The following FUT8 variants were observed in gnomAD, a reference collection of about 807,000 sequenced individuals.
The protein encoded by FUT8 is fucosyltransferase 8, also known as alpha-(1,6)-fucosyltransferase.
In FUT8, 29 loss-of-function variants were observed where a neutral mutation model predicts 71.3. The observed-to-expected ratio is 0.41, with a 90% CI of 0.30 to 0.55. The LOEUF (loss-of-function observed/expected upper bound fraction) is 0.55, where lower values mean the gene tolerates loss of function less well. Among genes scored for constraint, FUT8 ranks in the 20% least tolerant of loss-of-function variants. FUT8 has a pLI of 0.34. For synonymous variants in FUT8, 254 were observed against 239.3 expected (o/e 1.06, Z -0.57); for missense variants, 544 against 702.1 (o/e 0.77, Z 2.55).
intron 6 of FUT8, among the ~76,000 whole-genome samples, chr14:65,666,216 A>G (rs1161083785): frequency 2.6e-5 from 4 of 152,158 alleles, no homozygotes; most frequent in Non-Finnish European, 4.4e-5. Context: ...AAATATGTAC[A>G]TACGGTTTTC....
At chr14:65,692,873 G>A (rs1893753685) in intron 7 of FUT8, among the ~76,000 whole-genome samples, 1 of 151,270 alleles carries the variant, frequency 6.6e-6, no homozygotes, top group African/African-American at 2.4e-5. Flanking sequence ...CAGACGGGGT[G>A]GCGGGGCAGA....
At chr14:65,382,719 A>G in the FUT8 span, among the ~76,000 whole-genome samples, 1 of 152,006 alleles carries the variant, frequency 6.6e-6, no homozygotes, top group African/African-American at 2.4e-5. Context: ...CTTTTTTATA[A>G]CACTTCTCAG....
In FUT8 at chr14:65,627,228, A is replaced by T. The variant is rs1314401181; in HGVS notation, c.483-2264A>T. On this transcript the variant is annotated intron_variant, in intron 5 of 10. Coordinates refer to ENST00000673929, the MANE Select transcript of FUT8 (RefSeq NM_001371533.1). The surrounding 1 kb of genome is among the most constrained non-coding windows in gnomAD (Gnocchi z 4.0). ...AAGTAATATTGTATATTGGAAAATGATAACTGCTTAGAAAAAAAAAATAAG... is the reference window on the plus strand; with the variant it reads ...AAGTAATATTGTATATTGGAAAATGTTAACTGCTTAGAAAAAAAAAATAAG... Among the ~76,000 whole-genome samples, 1 of 152,144 alleles carries T rather than the reference A, an allele frequency of 6.6e-6. No individual in the cohort carries two copies. The highest frequency in any genetic ancestry group is 1.5e-5 in the Non-Finnish European group (1 of 68,012).
intron 2 of FUT8, among the ~76,000 whole-genome samples, chr14:65,499,380 C>G (rs1430811332): frequency 1.3e-5 from 2 of 152,094 alleles, no homozygotes; most frequent in African/African-American, 4.8e-5. Flanking sequence ...GGCCCTCAAA[C>G]AGAGTACAGC....
At chr14:65,631,819 C>T (rs548963504) in intron 6 of FUT8, among the ~76,000 whole-genome samples, 8 of 152,208 alleles carry the variant, frequency 5.3e-5, no homozygotes, top group African/African-American at 1.7e-4. Context: ...ATACACTGCA[C>T]CCTATTTGTA....
Position 65,574,266 on chromosome 14 carries a change from T to C in FUT8, c.203+12500T>C, listed in dbSNP as rs1886639634. ...CTGCTAGCAAGATAAAGTTTCAGTCTTTTTAAACACAGTCATGGAAGATAC... is the reference window on the plus strand; with the variant it reads ...CTGCTAGCAAGATAAAGTTTCAGTCCTTTTAAACACAGTCATGGAAGATAC... On this transcript the variant is annotated intron_variant, in intron 3 of 10. Coordinates refer to ENST00000673929, the MANE Select transcript of FUT8 (RefSeq NM_001371533.1). This position sits in a 1 kb window ranked among gnomAD's most constrained non-coding sequence, Gnocchi z 5.2. Among the ~76,000 whole-genome samples, 3 of 152,156 alleles carry C rather than the reference T, an allele frequency of 2.0e-5. No individual in the cohort carries two copies. Among genetic ancestry groups the C allele is most frequent in the South Asian group, 4.1e-4 (2 of 4,828 alleles).
intron 5 of FUT8, among the ~76,000 whole-genome samples, chr14:65,619,112 T>G (rs1394656865): frequency 2.6e-5 from 4 of 152,190 alleles, no homozygotes; most frequent in Admixed American, 6.5e-5. Context: ...GAGAATTATC[T>G]GATGTGGAAA....
chr14:65,409,045 T>C (rs1386794473), upstream of FUT8, among the ~76,000 whole-genome samples: 4 of 152,324 alleles, frequency 2.6e-5, no homozygotes, highest in African/African-American at 9.6e-5. This position sits in a 1 kb window ranked among gnomAD's most constrained non-coding sequence, Gnocchi z 5.4. Context: ...ATTTATAGTT[T>C]TAGAACTGAC....
rs145754101 is a variant in FUT8 at position 65,731,543 on chromosome 14, A to G, written c.1260-1688A>G. 7.0e-4 allele frequency among the ~76,000 whole-genome samples: 107 copies of G among 152,128 alleles called. 1 individual carries two copies. The highest frequency in any genetic ancestry group is 1.9e-3 in the African/African-American group (80 of 41,512). On this transcript the variant is annotated intron_variant, in intron 9 of 10. Transcript: ENST00000673929. ...GTACAATTTCCTTCTTCCATTATTT[A>G]CTTTGTTTTGTTTGTGTGTGTTTTG...
intron 3 of FUT8, among the ~76,000 whole-genome samples, chr14:65,591,446 C>T (rs1449049156): frequency 6.6e-6 from 1 of 152,086 alleles, no homozygotes; most frequent in Non-Finnish European, 1.5e-5. Context: ...AGCCAGGCAG[C>T]AAGATAATAT....
intron 2 of FUT8, among the ~76,000 whole-genome samples, chr14:65,485,845 C>T (rs1041408453): frequency 6.6e-6 from 1 of 152,164 alleles, no homozygotes; most frequent in South Asian, 2.1e-4. Flanking sequence ...TGGGCCTTAG[C>T]CTGAAAAGTC....
intron 9 of FUT8, 67 bp downstream of exon 9, chr14:65,724,390 C>A: frequency 1.0e-6 from 1 of 957,806 alleles, no homozygotes; most frequent in East Asian, 2.6e-5. Flanking sequence ...ATTCTTACTT[C>A]CCATGACTTG....
chr14:65,657,822 T>C (rs1273083325), intron 6 of FUT8, among the ~76,000 whole-genome samples: 3 of 152,128 alleles, frequency 2.0e-5, no homozygotes, highest in African/African-American at 7.2e-5. Flanking sequence ...AAGAGTATAA[T>C]TGGATTGTTT....
chr14:65,652,935 G>C lies in FUT8; in HGVS notation c.598-16308G>C, dbSNP rs1011050394. 6.6e-6 allele frequency among the ~76,000 whole-genome samples: 1 copy of C among 152,100 alleles called. No individual in the cohort carries two copies. The highest frequency in any genetic ancestry group is 2.4e-5 in the African/African-American group (1 of 41,422). On this transcript the variant is annotated intron_variant, in intron 6 of 10. Transcript: ENST00000673929. This position sits in a 1 kb window ranked among gnomAD's most constrained non-coding sequence, Gnocchi z 4.0. ...ATCATTGGCCATCTCTCTCTGTATT[G>C]GTCTTTTCAGTATTGCAACTTCAAG...
intron 2 of FUT8, among the ~76,000 whole-genome samples, chr14:65,527,787 G>T (rs556077091): frequency 6.6e-6 from 1 of 152,348 alleles, no homozygotes; most frequent in African/African-American, 2.4e-5. Flanking sequence ...CTCAGCTGCA[G>T]GTCTGTTGGA....
chr14:65,739,690 G>A (rs1896396088), intron 10 of FUT8, among the ~76,000 whole-genome samples: 2 of 152,154 alleles, frequency 1.3e-5, no homozygotes, highest in Middle Eastern at 6.8e-3. Context: ...ACCCAAGACT[G>A]TCTTTGGTCT....
rs1888637859 is a variant in FUT8 at position 65,607,307 on chromosome 14, A to G, written c.204-8671A>G. On this transcript the variant is annotated intron_variant, in intron 3 of 10. Transcript: ENST00000673929. This position sits in a 1 kb window ranked among gnomAD's most constrained non-coding sequence, Gnocchi z 4.1. ...AGGAATGCTACTGATGAGTTGATCCATAGAATGTGATATTTATTATGAATT... is the reference window on the plus strand; with the variant it reads ...AGGAATGCTACTGATGAGTTGATCCGTAGAATGTGATATTTATTATGAATT... Among the ~76,000 whole-genome samples, 1 of 151,902 alleles carries G rather than the reference A, an allele frequency of 6.6e-6. No homozygotes were observed. Among genetic ancestry groups the G allele is most frequent in the African/African-American group, 2.4e-5 (1 of 41,420 alleles).
chr14:65,363,341 C>A, the FUT8 span, among the ~76,000 whole-genome samples: 14 of 21,702 alleles, frequency 6.5e-4, no homozygotes, highest in African/African-American at 1.2e-3. Flanking sequence ...AGGCTGGTCT[C>A]GAACTCTGAC....
At chr14:65,717,634 C>T (rs191381471) in intron 7 of FUT8, among the ~76,000 whole-genome samples, 23 of 143,428 alleles carry the variant, frequency 1.6e-4, no homozygotes, top group East Asian at 4.4e-4. Context: ...ACTTCCCAGA[C>T]GGGGCAGCCG....
Sources: gnomAD v4.1 joint callset for allele counts (sites outside exome capture counted in the v4.1 genomes callset) on GRCh38, gnomAD v4.1.1 for gene constraint, Gnocchi (gnomAD v3.1) non-coding constraint, MANE v1.5 for transcripts, NCBI Gene and HGNC (gene_info 2026-07-23, HGNC 2026-07-21) for gene names.